CNTLN: variants seen among roughly 807,000 people sequenced by gnomAD.
CNTLN encodes the protein centlein.
Under a neutral mutation model 180.0 loss-of-function variants are expected in CNTLN, and 212 were observed. The ratio of observed to expected loss-of-function variants is 1.18; its 90% CI spans 1.05 to 1.32. The LOEUF (loss-of-function observed/expected upper bound fraction) is 1.32, where lower values mean the gene tolerates loss of function less well. Ranked by LOEUF, CNTLN falls within the 40% of genes most tolerant of loss-of-function variation. The pLI, the probability that CNTLN is intolerant of heterozygous loss-of-function variation, is 0.00. For synonymous variants in CNTLN, 722 were observed against 563.1 expected, an observed-to-expected ratio of 1.28 and a Z score of -3.99; for missense variants, 2,095 against 1,610.9, an observed-to-expected ratio of 1.30 and a Z score of -5.14.
intron 5 of CNTLN, among the ~76,000 whole-genome samples, chr9:17,236,850 A>G (rs954681894): frequency 2.6e-5 from 4 of 152,212 alleles, no homozygotes; most frequent in Non-Finnish European, 4.4e-5. Flanking sequence ...GTGTTTTCAA[A>G]TAACATATTT....
the CNTLN span, among the ~76,000 whole-genome samples, chr9:17,514,690 G>A: frequency 2.6e-5 from 4 of 152,142 alleles, no homozygotes; most frequent in East Asian, 1.9e-4. Context: ...GTTTTTGAAG[G>A]GAAGCCCGGC....
downstream of CNTLN, among the ~76,000 whole-genome samples, chr9:17,506,777 G>T (rs192042629): frequency 2.0e-5 from 3 of 152,100 alleles, no homozygotes; most frequent in Non-Finnish European, 4.4e-5. Context: ...GCCTTTTATT[G>T]GCCTATGTTC....
Position 17,390,235 on chromosome 9 carries a change from C to CTTTTTTT in CNTLN, c.2079+1997_2079+2003dup, listed in dbSNP as rs35329298. On this transcript the variant is annotated intron_variant, in intron 14 of 25. Coordinates refer to ENST00000380647, the MANE Select transcript of CNTLN (RefSeq NM_017738.4). ...TGTATTTCAGTTTTGAAAAGAGCCTCTTTTTTTTTTTTTTTTTTTTTGGAG... is the reference window on the plus strand; with the variant it reads ...TGTATTTCAGTTTTGAAAAGAGCCTCTTTTTTTTTTTTTTTTTTTTTTTTTTTTGGAG... Among the ~76,000 whole-genome samples, 511 of 77,398 alleles carry CTTTTTTT rather than the reference C, an allele frequency of 6.6e-3. 33 individuals are homozygous for CTTTTTTT. The highest frequency in any genetic ancestry group is 7.2e-3 in the Non-Finnish European group (306 of 42,726). 50.8% of individuals were successfully genotyped at this position (77,398 alleles called of 152,430 possible). A position where few individuals can be genotyped will look rare whatever the true frequency, so the allele number is the denominator to read the frequency against.
chr9:17,154,202 C>T (rs556352962), intron 2 of CNTLN, among the ~76,000 whole-genome samples: 7 of 152,260 alleles, frequency 4.6e-5, no homozygotes, highest in Admixed American at 2.6e-4. Flanking sequence ...CCCTTGCTGG[C>T]GAGGAGTTGT....
intron 2 of CNTLN, among the ~76,000 whole-genome samples, chr9:17,201,700 A>T (rs1046092525): frequency 6.6e-6 from 1 of 151,432 alleles, no homozygotes; most frequent in African/African-American, 2.4e-5. Context: ...ATAATTTTTT[A>T]TTGTCTATTT....
At position 17,234,375 on chromosome 9, in the gene CNTLN, C is replaced by G. The variant is rs115797560; in HGVS notation, c.535-1283C>G. On this transcript the variant is annotated intron_variant, in intron 3 of 25. Coordinates refer to ENST00000380647, the MANE Select transcript of CNTLN (RefSeq NM_017738.4). The stretch of plus-strand genomic sequence containing the variant: ...GGAGGATCCCTTGAGTCCAGGAGTT[C>G]GAGGCTGCCGTGAGCCATGATTGTG... Among the ~76,000 whole-genome samples, 1,175 of 151,936 alleles carry G rather than the reference C, an allele frequency of 7.7e-3. 8 individuals carry two copies. Among genetic ancestry groups the G allele is most frequent in the African/African-American group, 0.027 (1,116 of 41,452 alleles).
At chr9:17,516,811 GC>G in the CNTLN span, among the ~76,000 whole-genome samples, 7 of 152,080 alleles carry the variant, frequency 4.6e-5, no homozygotes, top group Non-Finnish European at 1.0e-4. Flanking sequence ...CATTTTCTGA[GC>G]CCCAACAACA....
At chr9:17,465,321 TTTCTC>T (rs2134205157) in intron 21 of CNTLN, among the ~76,000 whole-genome samples, 1 of 150,798 alleles carries the variant, frequency 6.6e-6, no homozygotes, top group East Asian at 1.9e-4. Flanking sequence ...ATGGATTTTC[TTTCTC>T]TTCTCTTCCA....
chr9:17,321,630 A>C (rs1478230634), intron 8 of CNTLN, among the ~76,000 whole-genome samples: 1 of 152,170 alleles, frequency 6.6e-6, no homozygotes, highest in Non-Finnish European at 1.5e-5. Flanking sequence ...AGAGGGTCTG[A>C]TATTGATAGT....
chr9:17,513,917 G>A, the CNTLN span, among the ~76,000 whole-genome samples: 1 of 152,082 alleles, frequency 6.6e-6, no homozygotes, highest in Non-Finnish European at 1.5e-5. Context: ...AGATGCAAAA[G>A]GCATTTTAAA....
Position 17,325,481 on chromosome 9 carries a change from G to A in CNTLN, c.1342-5151G>A, listed in dbSNP as rs143230425. 4.7e-3 allele frequency among the ~76,000 whole-genome samples: 698 copies of A among 149,162 alleles called. 5 individuals are homozygous for A. Among genetic ancestry groups the A allele is most frequent in the Middle Eastern group, 0.014 (4 of 292 alleles). The stretch of plus-strand genomic sequence containing the variant: ...GGTTTGAATTAGTTTTCAGAGAACC[G>A]TCATTCAAGTAGTTAGTTTTTCTGA... On this transcript the variant is annotated intron_variant, in intron 8 of 25. Transcript: ENST00000380647.
intron 7 of CNTLN, 86 bp from the exon 8 acceptor site, chr9:17,308,972 G>GTA (rs1250575287): frequency 7.0e-4 from 28 of 39,728 alleles, no homozygotes; most frequent in African/African-American, 1.5e-3. Context: ...CAGTTCATAT[G>GTA]TATATATACA....
chr9:17,187,443 A>G (rs1821500823), intron 2 of CNTLN, among the ~76,000 whole-genome samples: 1 of 152,048 alleles, frequency 6.6e-6, no homozygotes, highest in Non-Finnish European at 1.5e-5. Context: ...TATAAGAACA[A>G]GTAGTAATGG....
chr9:17,478,000 C>T (rs564549648), intron 23 of CNTLN, among the ~76,000 whole-genome samples: 2 of 152,334 alleles, frequency 1.3e-5, no homozygotes, highest in South Asian at 2.1e-4. Flanking sequence ...CCACAGCCAG[C>T]CCAGCTGTCA....
intron 24 of CNTLN, among the ~76,000 whole-genome samples, chr9:17,484,908 A>C (rs746110223): frequency 2.0e-5 from 3 of 152,180 alleles, no homozygotes; most frequent in Non-Finnish European, 4.4e-5. Flanking sequence ...TCATAGCTAA[A>C]TTCAAAATTA....
At chr9:17,291,505 T>TA (rs1289317990) in intron 6 of CNTLN, among the ~76,000 whole-genome samples, 9 of 152,202 alleles carry the variant, frequency 5.9e-5, no homozygotes, top group Non-Finnish European at 1.3e-4. Flanking sequence ...TAGGTGCATA[T>TA]ATATTTAGGA....
intron 2 of CNTLN, among the ~76,000 whole-genome samples, chr9:17,152,781 T>C (rs1818981137): frequency 6.6e-6 from 1 of 152,290 alleles, no homozygotes; most frequent in African/African-American, 2.4e-5. Flanking sequence ...CCCACTATTA[T>C]TGTGTGGGAG....
At chr9:17,237,140 A>G (rs1373904670) in intron 5 of CNTLN, among the ~76,000 whole-genome samples, 1 of 152,036 alleles carries the variant, frequency 6.6e-6, no homozygotes, top group Admixed American at 6.6e-5. Context: ...TACCCTTTTT[A>G]AAAGGCTAAT....
At chr9:17,331,793 T>C (rs1820660041) in intron 9 of CNTLN, among the ~76,000 whole-genome samples, 1 of 152,060 alleles carries the variant, frequency 6.6e-6, no homozygotes, top group African/African-American at 2.4e-5. Flanking sequence ...TCACAAGCAC[T>C]GAACTTTATT....
Sources: allele counts gnomAD v4.1 joint callset (sites outside exome capture counted in the v4.1 genomes callset), GRCh38; gene constraint gnomAD v4.1.1; transcripts MANE v1.5; gene names NCBI Gene and HGNC (gene_info 2026-07-23, HGNC 2026-07-21).